Variants in LDLRAD2 observed in about 807,000 individuals in gnomAD.
LDLRAD2 encodes low-density lipoprotein receptor class A domain-containing protein 2.
LDLRAD2 carries 25 observed loss-of-function variants against 24.9 expected under a neutral mutation model. The ratio of observed to expected loss-of-function variants is 1.00; its 90% CI spans 0.73 to 1.40. LDLRAD2 has a LOEUF of 1.40. LDLRAD2 is among the 40% of genes most tolerant of loss of function. LDLRAD2 has a pLI of 0.00. For missense variants in LDLRAD2, 391 were observed against 366.2 expected (o/e 1.07, Z -0.55); for synonymous variants, 182 against 166.7 (o/e 1.09, Z -0.71).
rs765635357 is a variant in LDLRAD2, at chr1:21,812,482, C to A, written c.31C>A (p.Gln11Lys). Residue 11 changes from glutamine (Q) to lysine (K), a missense_variant, in exon 1 of 5, where the codon CAA becomes AAA. Coordinates refer to ENST00000344642, the MANE Select transcript of LDLRAD2 (RefSeq NM_001013693.3). ...GGCTTGTTGTCTTCTGCAGTTGCCC[C>A]AAAGGTTGCTCTTGCTGGGGGCAGC... Reference protein sequence around the residue: MEACCLLQLPQRLLLLGAAAL... With the variant: MEACCLLQLPKRLLLLGAAAL... 7 of 1,614,024 alleles carry A rather than the reference C, an allele frequency of 4.3e-6. No homozygotes were observed. In the African/African-American group the frequency reaches 9.3e-5, roughly 22 times the overall value.
chr1:21,823,863 C>T lies in LDLRAD2; in HGVS notation c.*1648C>T, dbSNP rs531747563. 2.6e-5 allele frequency: 20 copies of T among 772,286 alleles called. No individual in the cohort carries two copies. The highest frequency in any genetic ancestry group is 3.5e-4 in the Middle Eastern group (1 of 2,866). 47.8% of individuals were successfully genotyped at this position (772,286 alleles called of 1,614,324 possible). A position where few individuals can be genotyped will look rare whatever the true frequency, so the allele number is the denominator to read the frequency against. On this transcript the variant is annotated 3_prime_UTR_variant, in exon 5 of 5. Transcript: ENST00000344642. ...CAAGCTCTTTCTTTCCCCCGCTGAA[C>T]GAGAGATCGGGCCCCACAAACACAG... is the stretch of plus-strand genomic sequence containing the variant.
chr1:21,814,302 GGCGAGTAACTC>G lies in LDLRAD2; in HGVS notation c.86-93_86-83del. The G allele has an allele frequency of 6.1e-6, 6 of 987,526 alleles. No individual in the cohort carries two copies. The South Asian group carries it at 1.0e-4, about 17-fold the overall frequency. 61.2% of individuals were successfully genotyped at this position (987,526 alleles called of 1,614,324 possible). On this transcript the variant is annotated intron_variant, in intron 1 of 4. Coordinates refer to ENST00000344642, the MANE Select transcript of LDLRAD2 (RefSeq NM_001013693.3). Reference sequence around the variant, plus strand: ...GATGAGGAAAATGAGGCTCAGAGAGGGCGAGTAACTCGCTTGGGATCACACAGCGGGCAGGG... The same window carrying G: ...GATGAGGAAAATGAGGCTCAGAGAGGGCTTGGGATCACACAGCGGGCAGGG...
At chr1:21,820,475 A>G (rs1308889734) in intron 3 of LDLRAD2, among the ~76,000 whole-genome samples, 3 of 143,462 alleles carry the variant, frequency 2.1e-5, no homozygotes, top group African/African-American at 8.0e-5. Flanking sequence ...GTGAGCCGAG[A>G]TCCTGCCACT....
At chr1:21,818,043 ATTTTTGT>A (rs2097945785) in intron 3 of LDLRAD2, among the ~76,000 whole-genome samples, 1 of 149,568 alleles carries the variant, frequency 6.7e-6, no homozygotes, top group African/African-American at 2.5e-5. Flanking sequence ...CGCTCAGCTA[ATTTTTGT>A]ATTTTTAGTA....
At position 21,824,449 on chromosome 1, in the gene LDLRAD2, C is replaced by T; in HGVS notation, c.*2234C>T. 1 of 1,602,068 alleles carries T rather than the reference C, an allele frequency of 6.2e-7. No homozygotes were observed. Among genetic ancestry groups the T allele is most frequent in the Non-Finnish European group, 8.5e-7 (1 of 1,171,500 alleles). On this transcript the variant is annotated 3_prime_UTR_variant, in exon 5 of 5. Coordinates refer to ENST00000344642, the MANE Select transcript of LDLRAD2 (RefSeq NM_001013693.3). The surrounding 1 kb of genome is among the most constrained non-coding windows in gnomAD (Gnocchi z 5.9). ...AGGCTGCCGAGGCCAGGGGGCTCTG[C>T]TTTCCCCTCCCCCCACCACTCCGGC...
intron 3 of LDLRAD2, among the ~76,000 whole-genome samples, chr1:21,818,308 G>A (rs7555231): frequency 0.47 from 71,556 of 151,958 alleles, 17,428 homozygotes; most frequent in Non-Finnish European, 0.52. Flanking sequence ...CTCCGCACCC[G>A]GCCTCATGTT....
chr1:21,821,605 T>C lies in LDLRAD2; in HGVS notation c.799T>C (p.Leu267=), dbSNP rs2097952004. Residue 267 remains leucine (L), a synonymous_variant, in exon 4 of 5, where the codon TTG becomes CTG. Transcript: ENST00000344642. ...GRDPTRQDAA[L]EGSTE is the part of the protein sequence containing the mutation. ...GGACCCCACGAGACAAGACGCAGCT[T>C]TGGAAGGTTACACCTTGCTCCTACT... is the stretch of plus-strand genomic sequence containing the variant. 6.2e-7 allele frequency: 1 copy of C among 1,613,658 alleles called. No homozygotes were observed. Among genetic ancestry groups the C allele is most frequent in the African/African-American group, 1.3e-5 (1 of 74,894 alleles).
chr1:21,815,344 C>T (rs1352117172), intron 2 of LDLRAD2, among the ~76,000 whole-genome samples: 1 of 152,238 alleles, frequency 6.6e-6, no homozygotes, highest in Non-Finnish European at 1.5e-5. Context: ...AGCTCACATG[C>T]TCTCATGCCA....
Position 21,823,373 on chromosome 1 carries a change from G to A in LDLRAD2, c.*1158G>A, listed in dbSNP as rs2229477. Reference sequence around the variant, plus strand: ...CCTGGGCGCGGTGCTGCAGGTCCAGGGGCTGTGGGGGCGGGGCGCCGGGTC... The same window carrying A: ...CCTGGGCGCGGTGCTGCAGGTCCAGAGGCTGTGGGGGCGGGGCGCCGGGTC... On this transcript the variant is annotated 3_prime_UTR_variant, in exon 5 of 5. Transcript: ENST00000344642. 2,591 of 1,551,130 alleles carry A rather than the reference G, an allele frequency of 1.7e-3. 43 individuals are homozygous for A. In the African/African-American group the frequency reaches 0.029, roughly 18 times the overall value.
intron 2 of LDLRAD2, among the ~76,000 whole-genome samples, chr1:21,815,270 C>G (rs2097942751): frequency 6.6e-6 from 1 of 152,224 alleles, no homozygotes; most frequent in African/African-American, 2.4e-5. Flanking sequence ...GCACACGCCT[C>G]ACACTGCACA....
chr1:21,820,018 G>C (rs143036547), intron 3 of LDLRAD2, among the ~76,000 whole-genome samples: 15 of 152,262 alleles, frequency 9.9e-5, no homozygotes, highest in African/African-American at 2.2e-4. Context: ...TCACTATCTT[G>C]AGAACAGCAC....
intron 3 of LDLRAD2, 126 bp downstream of exon 3, chr1:21,816,200 CT>C: frequency 7.6e-7 from 1 of 1,320,938 alleles, no homozygotes. Flanking sequence ...GTGGAATCGG[CT>C]TAGGCCAAGG....
In LDLRAD2 at chr1:21,823,854, C is replaced by G; in HGVS notation, c.*1639C>G. The G allele has an allele frequency of 1.3e-6, 1 of 792,074 alleles. No homozygotes were observed. Among genetic ancestry groups the G allele is most frequent in the South Asian group, 1.4e-5 (1 of 68,970 alleles). The allele number at this position is 792,074 out of a possible 1,614,324, so 49.1% of individuals were successfully genotyped here. A position where few individuals can be genotyped will look rare whatever the true frequency, so the allele number is the denominator to read the frequency against. On this transcript the variant is annotated 3_prime_UTR_variant, in exon 5 of 5. Transcript: ENST00000344642. ...CCTGTTTCCCAAGCTCTTTCTTTCC[C>G]CCGCTGAACGAGAGATCGGGCCCCA...
chr1:21,824,251 G>T lies in LDLRAD2; in HGVS notation c.*2036G>T, dbSNP rs780522976. ...AAGTATGAGCTGGGGCAGGACCGGGGGGTGGGGTGCTGGGACCAGGGAAGG... is the reference window on the plus strand; with the variant it reads ...AAGTATGAGCTGGGGCAGGACCGGGTGGTGGGGTGCTGGGACCAGGGAAGG... On this transcript the variant is annotated 3_prime_UTR_variant, in exon 5 of 5. Coordinates refer to ENST00000344642, the MANE Select transcript of LDLRAD2 (RefSeq NM_001013693.3). The surrounding 1 kb of genome is among the most constrained non-coding windows in gnomAD (Gnocchi z 5.9). 3.7e-6 allele frequency: 6 copies of T among 1,612,898 alleles called. No individual in the cohort carries two copies. In the African/African-American group the frequency reaches 6.7e-5, roughly 18 times the overall value.
chr1:21,824,403 G>A lies in LDLRAD2; in HGVS notation c.*2188G>A. On this transcript the variant is annotated 3_prime_UTR_variant, in exon 5 of 5. Coordinates refer to ENST00000344642, the MANE Select transcript of LDLRAD2 (RefSeq NM_001013693.3). This position sits in a 1 kb window ranked among gnomAD's most constrained non-coding sequence, Gnocchi z 5.9. The stretch of plus-strand genomic sequence containing the variant: ...TGCCAGGGAAGCACAGGGTCTCTGG[G>A]GTCCCCAGCCTGGAGAGCAGAGGCT... 6.2e-7 allele frequency: 1 copy of A among 1,612,652 alleles called. No homozygotes were observed. The highest frequency in any genetic ancestry group is 8.5e-7 in the Non-Finnish European group (1 of 1,179,114).
In LDLRAD2 at chr1:21,814,402, CCTGGCGGAA is replaced by C. The variant is rs763664901; in HGVS notation, c.94_102del (p.Ala32_Leu34del). ...TTTCCGTGCCTTCCGCTGCAGCCGA[CCTGGCGGAA>C]CTGTGCGGGCAGACGTGGCAGGGGG... On this transcript the variant is annotated inframe_deletion, in exon 2 of 5. Coordinates refer to ENST00000344642, the MANE Select transcript of LDLRAD2 (RefSeq NM_001013693.3). 11 of 1,590,454 alleles carry C rather than the reference CCTGGCGGAA, an allele frequency of 6.9e-6. No individual in the cohort carries two copies. In the African/African-American group the frequency reaches 1.2e-4, roughly 18 times the overall value.
chr1:21,814,820 C>G lies in LDLRAD2; in HGVS notation c.508C>G (p.Leu170Val), dbSNP rs1456296615. 5.4e-6 allele frequency: 8 copies of G among 1,472,668 alleles called. No homozygotes were observed. Among genetic ancestry groups the G allele is most frequent in the Non-Finnish European group, 5.4e-6 (6 of 1,120,458 alleles). The allele number at this position is 1,472,668 out of a possible 1,614,324, so 91.2% of individuals were successfully genotyped here. ...CGTGGGCGAAGTCACCTCTTTCCGT[C>G]TGGGTGAGCTGGGGCTGAAGGCCGG... ...DFVGEVTSFR[L>V]GPCGAYFRCQ... Residue 170 changes from leucine to valine, a missense_variant, in exon 2 of 5, where the codon CTG (leucine) becomes GTG (valine). By Grantham distance (32) the Leu-to-Val change is conservative. Coordinates refer to ENST00000344642, the MANE Select transcript of LDLRAD2 (RefSeq NM_001013693.3).
chr1:21,814,029 C>T (rs2097941163), intron 1 of LDLRAD2, among the ~76,000 whole-genome samples: 1 of 152,106 alleles, frequency 6.6e-6, no homozygotes, highest in Non-Finnish European at 1.5e-5. Context: ...CACCACCATG[C>T]CCGGCTAATT....
intron 1 of LDLRAD2, 127 bp from the exon 2 acceptor site, chr1:21,814,271 T>C (rs989878602): frequency 3.0e-6 from 2 of 672,954 alleles, no homozygotes; most frequent in African/African-American, 3.7e-5. Flanking sequence ...TCATCCCCAT[T>C]TTACCGATGA....
Sources: gnomAD v4.1 joint callset for allele counts (sites outside exome capture counted in the v4.1 genomes callset) on GRCh38, gnomAD v4.1.1 for gene constraint, Gnocchi (gnomAD v3.1) non-coding constraint, MANE v1.5 for transcripts, NCBI Gene and HGNC (gene_info 2026-07-23, HGNC 2026-07-21) for gene names.